VSTM4: variants seen among roughly 807,000 people sequenced by gnomAD.
VSTM4 encodes the protein V-set and transmembrane domain-containing protein 4.
In VSTM4, 20 loss-of-function variants were observed where a neutral mutation model predicts 36.4. That is an observed-to-expected ratio of 0.55 (90% CI 0.39 to 0.80). The LOEUF (loss-of-function observed/expected upper bound fraction) is 0.80, where lower values mean the gene tolerates loss of function less well. Among genes scored for constraint, VSTM4 ranks in the 30% least tolerant of loss-of-function variants. VSTM4 has a pLI of 0.00. For missense variants in VSTM4, 392 were observed against 404.5 expected, an observed-to-expected ratio of 0.97 and a Z score of 0.26; for synonymous variants, 182 against 173.9, an observed-to-expected ratio of 1.05 and a Z score of -0.37.
chr10:49,023,239 A>G (rs1843208037), intron 7 of VSTM4, among the ~76,000 whole-genome samples: 1 of 152,250 alleles, frequency 6.6e-6, no homozygotes, highest in Non-Finnish European at 1.5e-5. Context: ...GCATAATATC[A>G]GTCCTTGGCA....
At chr10:49,028,107 G>A (rs1039818874) in intron 7 of VSTM4, among the ~76,000 whole-genome samples, 5 of 152,114 alleles carry the variant, frequency 3.3e-5, no homozygotes, top group Non-Finnish European at 7.3e-5. Flanking sequence ...CATTGTTCTA[G>A]GTGTCAGTAG....
chr10:49,105,531 G>C lies in VSTM4; in HGVS notation c.457+2063C>G, dbSNP rs369096643. Among the ~76,000 whole-genome samples the C allele has an allele frequency of 9.9e-5, 15 of 152,092 alleles. 1 individual carries two copies. The highest frequency in any genetic ancestry group is 7.7e-4 in the East Asian group (4 of 5,194). On this transcript the variant is annotated intron_variant, in intron 2 of 7. Coordinates refer to ENST00000332853, the MANE Select transcript of VSTM4 (RefSeq NM_001031746.5). ...AACCAGAGGACCAGGGCAGGAAAGT[G>C]GGGGAGCAAGAGAAGAAGTGGGGAA...
chr10:49,111,633 G>T (rs954102930), intron 1 of VSTM4, among the ~76,000 whole-genome samples: 4 of 152,182 alleles, frequency 2.6e-5, no homozygotes, highest in African/African-American at 9.7e-5. Flanking sequence ...GGAGAATTGA[G>T]GTGGGAGGGA....
intron 7 of VSTM4, among the ~76,000 whole-genome samples, chr10:49,025,216 GTGT>G (rs1476959920): frequency 6.6e-6 from 1 of 152,176 alleles, no homozygotes; most frequent in East Asian, 1.9e-4. Context: ...TGTGACTGTG[GTGT>G]TTTGTTATGG....
intron 2 of VSTM4, among the ~76,000 whole-genome samples, chr10:49,098,166 AC>A (rs1202722864): frequency 1.3e-5 from 2 of 151,562 alleles, no homozygotes; most frequent in South Asian, 2.1e-4. Context: ...TCCTTGTGCC[AC>A]CCCCTTCAGC....
At chr10:49,103,668 G>C in intron 2 of VSTM4, 1 of 1,576,844 alleles carries the variant, frequency 6.3e-7, no homozygotes, top group Non-Finnish European at 8.6e-7. Flanking sequence ...TCATGACAGG[G>C]AAATGAGGAG....
chr10:49,111,664 G>A (rs538382827), intron 1 of VSTM4, among the ~76,000 whole-genome samples: 44 of 152,274 alleles, frequency 2.9e-4, no homozygotes, highest in African/African-American at 1.0e-3. Context: ...CCCCCTCCCC[G>A]TTGTACCTCT....
intron 4 of VSTM4, among the ~76,000 whole-genome samples, chr10:49,076,649 C>T (rs888495033): frequency 6.6e-6 from 1 of 151,808 alleles, no homozygotes; most frequent in Non-Finnish European, 1.5e-5. Context: ...ATATGAGAGT[C>T]ATGAGAACTA....
chr10:49,022,672 C>G (rs919996026), intron 7 of VSTM4, among the ~76,000 whole-genome samples: 3 of 152,114 alleles, frequency 2.0e-5, no homozygotes, highest in African/African-American at 7.2e-5. Flanking sequence ...TTTACATTCT[C>G]GCTTTTCAGT....
intron 2 of VSTM4, among the ~76,000 whole-genome samples, chr10:49,101,170 G>A (rs1210168858): frequency 6.6e-6 from 1 of 152,044 alleles, no homozygotes; most frequent in Non-Finnish European, 1.5e-5. Context: ...TGTATTGAAT[G>A]TAAATTACAT....
At chr10:49,080,271 G>A (rs1351343753) in intron 3 of VSTM4, among the ~76,000 whole-genome samples, 1 of 152,246 alleles carries the variant, frequency 6.6e-6, no homozygotes, top group Non-Finnish European at 1.5e-5. Flanking sequence ...ACTGGGAGTA[G>A]CAGGTGGCTG....
chr10:49,082,461 C>A (rs753996672), intron 3 of VSTM4, among the ~76,000 whole-genome samples: 7 of 152,074 alleles, frequency 4.6e-5, no homozygotes, highest in Non-Finnish European at 8.8e-5. Flanking sequence ...GTCGGGAGTT[C>A]GAAACCAGCC....
At chr10:49,082,050 C>G (rs1280231831) in intron 3 of VSTM4, among the ~76,000 whole-genome samples, 1 of 152,204 alleles carries the variant, frequency 6.6e-6, no homozygotes, top group East Asian at 1.9e-4. Context: ...AACAGTTAAA[C>G]TCTGAGCCAT....
chr10:49,054,065 C>A (rs61850689), intron 5 of VSTM4, among the ~76,000 whole-genome samples: 26,493 of 152,212 alleles, frequency 0.17, 2,643 homozygotes, highest in Non-Finnish European at 0.23. Flanking sequence ...TCTGGCCCTC[C>A]TTGTTGCAAA....
At chr10:49,070,973 T>C (rs1310446187) in intron 4 of VSTM4, among the ~76,000 whole-genome samples, 1 of 152,186 alleles carries the variant, frequency 6.6e-6, no homozygotes, top group Non-Finnish European at 1.5e-5. Context: ...TGGCTGTGGG[T>C]GGGATGTAAC....
At chr10:49,113,375 C>T (rs1844932403) in intron 1 of VSTM4, among the ~76,000 whole-genome samples, 1 of 152,182 alleles carries the variant, frequency 6.6e-6, no homozygotes, top group Admixed American at 6.5e-5. Flanking sequence ...TAGCTCCATC[C>T]AGGATAAAAA....
intron 3 of VSTM4, among the ~76,000 whole-genome samples, chr10:49,079,211 C>T (rs1844235519): frequency 6.6e-6 from 1 of 151,872 alleles, no homozygotes; most frequent in East Asian, 1.9e-4. Context: ...CATGTACATA[C>T]ATCTCTTTTA....
At chr10:49,040,128 C>G (rs749202759) in intron 7 of VSTM4, among the ~76,000 whole-genome samples, 32 of 152,160 alleles carry the variant, frequency 2.1e-4, no homozygotes, top group Admixed American at 5.9e-4. Context: ...AAACTGGTCA[C>G]AGTGTCAGAC....
intron 7 of VSTM4, among the ~76,000 whole-genome samples, chr10:49,032,936 T>C (rs949116523): frequency 5.9e-5 from 5 of 84,266 alleles, no homozygotes; most frequent in Admixed American, 2.4e-4. Flanking sequence ...GTCACTCTGA[T>C]TCTTTTTTTT....
Sources: gnomAD v4.1 joint callset for allele counts (sites outside exome capture counted in the v4.1 genomes callset) on GRCh38, gnomAD v4.1.1 for gene constraint, MANE v1.5 for transcripts, NCBI Gene and HGNC (gene_info 2026-07-23, HGNC 2026-07-21) for gene names.